Variants in GIPR observed in about 807,000 individuals in gnomAD.
GIPR encodes gastric inhibitory polypeptide receptor.
Under a neutral mutation model 62.2 loss-of-function variants are expected in GIPR, and 74 were observed. That is an observed-to-expected ratio of 1.19 (90% confidence interval 0.99 to 1.44). The LOEUF is 1.44. Among genes scored for constraint, GIPR ranks in the 40% most tolerant of loss-of-function variants. The pLI is 0.00. For synonymous variants in GIPR, 256 were observed against 262.2 expected, an observed-to-expected ratio of 0.98 and a Z score of 0.23; for missense variants, 664 against 611.8, an observed-to-expected ratio of 1.09 and a Z score of -0.90.
At chr19:45,679,927 G>A (rs937357214) in intron 12 of GIPR, among the ~76,000 whole-genome samples, 4 of 151,954 alleles carry the variant, frequency 2.6e-5, no homozygotes, top group Non-Finnish European at 4.4e-5. Context: ...CCACTACCAC[G>A]CCTGGCTAAG....
Position 45,678,176 on chromosome 19 carries a change from G to C in GIPR, c.1102G>C (p.Ala368Pro). ...CGTGACAGAGGAACAGGCCCGGGGC[G>C]CCCTGCGCTTCGCCAAGCTCGGCTT... Reference protein sequence around the residue: ...APVTEEQARGALRFAKLGFEI... With the variant: ...APVTEEQARGPLRFAKLGFEI... Residue 368 changes from alanine to proline, a missense_variant, in exon 12 of 14, where the codon GCC (alanine) becomes CCC (proline). Coordinates refer to ENST00000590918, the MANE Select transcript of GIPR (RefSeq NM_000164.4). 6.3e-7 allele frequency: 1 copy of C among 1,599,416 alleles called. No homozygotes were observed. Among genetic ancestry groups the C allele is most frequent in the Non-Finnish European group, 8.5e-7 (1 of 1,173,846 alleles).
intron 2 of GIPR, among the ~76,000 whole-genome samples, chr19:45,670,026 G>A (rs1975454922): frequency 6.6e-6 from 1 of 151,720 alleles, no homozygotes; most frequent in Admixed American, 6.6e-5. Flanking sequence ...AAGTTGTTGG[G>A]TGGTGGTTTG....
chr19:45,676,912 C>T, intron 7 of GIPR, 37 bp from the exon 8 acceptor site: 1 of 1,603,142 alleles, frequency 6.2e-7, no homozygotes, highest in East Asian at 2.2e-5. Context: ...ACCCGGGCAG[C>T]GCTGACTACC....
intron 12 of GIPR, 83 bp from the exon 13 acceptor site, chr19:45,681,519 CAA>C: frequency 1.7e-6 from 2 of 1,194,810 alleles, no homozygotes; most frequent in Non-Finnish European, 2.5e-6. Context: ...AACAAACAAA[CAA>C]ACAAAAAACG....
At chr19:45,680,490 C>G (rs1967171008) in intron 12 of GIPR, among the ~76,000 whole-genome samples, 1 of 151,948 alleles carries the variant, frequency 6.6e-6, no homozygotes, top group African/African-American at 2.4e-5. Context: ...GCCATGATCA[C>G]TCCACTGCAC....
At chr19:45,676,262 G>A (rs1373923316) in intron 7 of GIPR, among the ~76,000 whole-genome samples, 1 of 151,670 alleles carries the variant, frequency 6.6e-6, no homozygotes, top group Non-Finnish European at 1.5e-5. Flanking sequence ...TGTGGGTACT[G>A]GCAGGGAGTT....
chr19:45,674,130 G>A lies in GIPR; in HGVS notation c.441G>A (p.Leu147=). 5.6e-6 allele frequency: 9 copies of A among 1,613,884 alleles called. No homozygotes were observed. The highest frequency in any genetic ancestry group is 1.3e-5 in the African/African-American group (1 of 75,020). Residue 147 remains leucine (L), a synonymous_variant, in exon 6 of 14, where the codon CTG becomes CTA. Coordinates refer to ENST00000590918, the MANE Select transcript of GIPR (RefSeq NM_000164.4). ...LQVMYTVGYS[L]SLATLLLALL... is the part of the protein sequence containing the mutation. Reference sequence around the variant, plus strand: ...TCATGTACACTGTCGGCTACTCCCTGTCTCTCGCCACACTGCTGCTAGCCC... The same window carrying A: ...TCATGTACACTGTCGGCTACTCCCTATCTCTCGCCACACTGCTGCTAGCCC...
rs1600326030 is a variant in GIPR, at chr19:45,683,501, A to C, written c.*1566A>C. 6.6e-6 allele frequency: 1 copy of C among 152,020 alleles called. No homozygotes were observed. Among genetic ancestry groups the C allele is most frequent in the East Asian group, 1.9e-4 (1 of 5,186 alleles). 9.4% of individuals were successfully genotyped at this position (152,020 alleles called of 1,614,324 possible). Reference sequence around the variant, plus strand: ...TACACCCACAAGACCCTCACCCCTAAATCCTCCCCCTACACATATGCACAC... The same window carrying C: ...TACACCCACAAGACCCTCACCCCTACATCCTCCCCCTACACATATGCACAC... On this transcript the variant is annotated 3_prime_UTR_variant, in exon 14 of 14. Transcript: ENST00000590918.
chr19:45,677,179 T>C (rs1423263386), intron 8 of GIPR, 71 bp downstream of exon 8: 17 of 1,543,054 alleles, frequency 1.1e-5, no homozygotes, highest in Non-Finnish European at 1.5e-5. Context: ...CCCTGCTGGT[T>C]GGCCTCTGCG....
chr19:45,668,617 C>T (rs1975380523), intron 1 of GIPR, among the ~76,000 whole-genome samples: 1 of 152,188 alleles, frequency 6.6e-6, no homozygotes, highest in Admixed American at 6.5e-5. Context: ...GTCCCTCCGT[C>T]TCTGCGCCTC....
rs769638487 is a variant in GIPR at position 45,669,501 on chromosome 19, G to T, written c.-20G>T. ...GGCCTGATCGCCCCTGCACGAACCA[G>T]ACCCTTCGCCGCCCTCACGATGACT... On this transcript the variant is annotated 5_prime_UTR_variant, in exon 2 of 14. Transcript: ENST00000590918. 1.3e-5 allele frequency: 20 copies of T among 1,565,650 alleles called. 1 individual carries two copies. Among genetic ancestry groups the T allele is most frequent in the South Asian group, 2.3e-5 (2 of 85,422 alleles).
intron 12 of GIPR, among the ~76,000 whole-genome samples, chr19:45,680,281 G>A (rs1320987726): frequency 6.6e-6 from 1 of 152,168 alleles, no homozygotes; most frequent in Non-Finnish European, 1.5e-5. Flanking sequence ...AACATCGCTT[G>A]AACCTGGGAG....
At chr19:45,673,709 CA>C (rs1201206285) in intron 5 of GIPR, among the ~76,000 whole-genome samples, 3 of 152,064 alleles carry the variant, frequency 2.0e-5, no homozygotes, top group Non-Finnish European at 4.4e-5. Context: ...ACTAAAAATA[CA>C]AAAATTAGCT....
chr19:45,671,166 T>A, intron 3 of GIPR, 119 bp from the exon 4 acceptor site: 1 of 733,590 alleles, frequency 1.4e-6, no homozygotes, highest in South Asian at 1.4e-5. Flanking sequence ...CCGGGCTTGG[T>A]GTGGCCGGCG....
intron 4 of GIPR, among the ~76,000 whole-genome samples, chr19:45,671,670 G>T (rs1205548414): frequency 6.6e-6 from 1 of 152,178 alleles, no homozygotes; most frequent in Non-Finnish European, 1.5e-5. Flanking sequence ...GATGAACTCG[G>T]CTCACTGCAA....
At chr19:45,676,916 G>C in intron 7 of GIPR, 33 bp from the exon 8 acceptor site, 11 of 1,608,248 alleles carry the variant, frequency 6.8e-6, no homozygotes, top group Non-Finnish European at 9.3e-6. Flanking sequence ...GGGCAGCGCT[G>C]ACTACCCCTC....
At chr19:45,669,017 G>C (rs555588863) in intron 1 of GIPR, among the ~76,000 whole-genome samples, 22 of 152,206 alleles carry the variant, frequency 1.4e-4, no homozygotes, top group African/African-American at 4.8e-4. Context: ...TACCCCACTA[G>C]GGGGTACTGA....
intron 12 of GIPR, 177 bp downstream of exon 12, chr19:45,678,403 GC>G: frequency 1.3e-6 from 1 of 783,280 alleles, no homozygotes; most frequent in Non-Finnish European, 2.1e-6. Flanking sequence ...TCGCCCTGTC[GC>G]CCAGGCTGGA....
intron 12 of GIPR, 50 bp downstream of exon 12, chr19:45,678,276 C>G: frequency 6.5e-7 from 1 of 1,537,546 alleles, no homozygotes; most frequent in East Asian, 2.4e-5. Flanking sequence ...GGGCCTCCTC[C>G]CCAGAGGGGC....
Sources: gnomAD v4.1 joint callset for allele counts (sites outside exome capture counted in the v4.1 genomes callset) on GRCh38, gnomAD v4.1.1 for gene constraint, MANE v1.5 for transcripts, NCBI Gene and HGNC (gene_info 2026-07-23, HGNC 2026-07-21) for gene names.